The following PCDH15 variants were observed in gnomAD, a reference collection of about 807,000 sequenced individuals.
The protein encoded by PCDH15 is protocadherin related 15, also known as protocadherin-15.
In PCDH15, 129 loss-of-function variants were observed where a neutral mutation model predicts 178.5. That is an observed-to-expected ratio of 0.72 (90% confidence interval 0.63 to 0.84). The LOEUF (loss-of-function observed/expected upper bound fraction) is 0.84. PCDH15 is among the 40% of genes least tolerant of loss of function. The pLI is 0.00. For synonymous variants in PCDH15, 800 were observed against 732.0 expected (o/e 1.09, Z -1.50); for missense variants, 2,230 against 2,099.9 (o/e 1.06, Z -1.21).
chr10:55,569,291 A>G (rs1842361765), intron 2 of PCDH15, among the ~76,000 whole-genome samples: 1 of 152,062 alleles, frequency 6.6e-6, no homozygotes, highest in African/African-American at 2.4e-5. Context: ...AAAAGTATCA[A>G]ACAAGATGTG....
At chr10:55,182,979 T>G (rs1465503902) in intron 1 of PCDH15, among the ~76,000 whole-genome samples, 1 of 151,950 alleles carries the variant, frequency 6.6e-6, no homozygotes, top group Non-Finnish European at 1.5e-5. Context: ...GATAGAAACA[T>G]GTAGCACTAC....
At chr10:54,640,362 C>A (rs2093961137) in intron 2 of PCDH15, among the ~76,000 whole-genome samples, 1 of 151,430 alleles carries the variant, frequency 6.6e-6, no homozygotes, top group African/African-American at 2.4e-5. Flanking sequence ...AATTTAATAT[C>A]ATGGGTTCAA....
At chr10:55,036,833 A>G (rs930112253) in intron 2 of PCDH15, among the ~76,000 whole-genome samples, 2 of 152,208 alleles carry the variant, frequency 1.3e-5, no homozygotes, top group African/African-American at 4.8e-5. Flanking sequence ...ATATCCATCT[A>G]TTATTTTAGA....
intron 5 of PCDH15, among the ~76,000 whole-genome samples, chr10:54,365,021 G>C (rs1011818981): frequency 7.2e-5 from 11 of 151,970 alleles, no homozygotes; most frequent in Non-Finnish European, 1.6e-4. Flanking sequence ...ATCTTATCCA[G>C]TTCCTCTTCC....
At chr10:54,826,708 T>C (rs1023543422) in intron 3 of PCDH15, among the ~76,000 whole-genome samples, 2 of 151,950 alleles carry the variant, frequency 1.3e-5, no homozygotes, top group South Asian at 2.1e-4. Context: ...ATTTCAAGCA[T>C]GCCAAGACTC....
chr10:55,518,420 G>A (rs1220780196), intron 2 of PCDH15, among the ~76,000 whole-genome samples: 1 of 152,006 alleles, frequency 6.6e-6, no homozygotes, highest in Admixed American at 6.6e-5. Flanking sequence ...CCACTTTTAA[G>A]TTCCAGCTCC....
chr10:54,084,634 C>A (rs921739229), intron 16 of PCDH15, among the ~76,000 whole-genome samples: 1 of 151,998 alleles, frequency 6.6e-6, no homozygotes, highest in Non-Finnish European at 1.5e-5. Context: ...TAGAAAGTAG[C>A]AGAGGATATC....
intron 3 of PCDH15, among the ~76,000 whole-genome samples, chr10:54,878,523 G>A (rs540860328): frequency 1.3e-5 from 2 of 152,150 alleles, no homozygotes; most frequent in African/African-American, 2.4e-5. Context: ...AGATTCAAGA[G>A]ATCTTCGAGA....
intron 2 of PCDH15, among the ~76,000 whole-genome samples, chr10:55,041,416 G>A (rs1352876547): frequency 6.6e-6 from 1 of 151,982 alleles, no homozygotes; most frequent in Non-Finnish European, 1.5e-5. Context: ...AATCTGAAGG[G>A]TTCTTACTCC....
intron 2 of PCDH15, among the ~76,000 whole-genome samples, chr10:54,998,569 CTAAT>C (rs1839708928): frequency 6.6e-6 from 1 of 151,960 alleles, no homozygotes; most frequent in African/African-American, 2.4e-5. Context: ...AGACATTTGA[CTAAT>C]TAACATTGTT....
At chr10:55,109,039 A>G (rs752487190) in intron 2 of PCDH15, among the ~76,000 whole-genome samples, 12 of 152,192 alleles carry the variant, frequency 7.9e-5, no homozygotes, top group Non-Finnish European at 1.8e-4. Context: ...ACCAGTAAGC[A>G]AAGACTAATG....
At chr10:55,348,406 C>G (rs1215920513) in intron 2 of PCDH15, among the ~76,000 whole-genome samples, 1 of 151,592 alleles carries the variant, frequency 6.6e-6, no homozygotes, top group Non-Finnish European at 1.5e-5. Flanking sequence ...TTCATTCATT[C>G]CAACAATAAT....
chr10:55,106,906 C>T (rs570782399), intron 2 of PCDH15, among the ~76,000 whole-genome samples: 2 of 152,136 alleles, frequency 1.3e-5, no homozygotes, highest in South Asian at 2.1e-4. Context: ...TCCCATAATA[C>T]AATGATGGAG....
intron 1 of PCDH15, among the ~76,000 whole-genome samples, chr10:55,211,028 G>C (rs1840557562): frequency 6.6e-6 from 1 of 151,928 alleles, no homozygotes; most frequent in Non-Finnish European, 1.5e-5. Flanking sequence ...AGAACATATT[G>C]ATGTTTTTAA....
chr10:55,463,724 G>A (rs1404129634), intron 2 of PCDH15, among the ~76,000 whole-genome samples: 1 of 151,726 alleles, frequency 6.6e-6, no homozygotes, highest in Non-Finnish European at 1.5e-5. Context: ...TTTTTCAACT[G>A]CGTCAAACTC....
chr10:54,166,359 C>T (rs1490086101), intron 13 of PCDH15, among the ~76,000 whole-genome samples: 5 of 152,290 alleles, frequency 3.3e-5, no homozygotes, highest in African/African-American at 1.2e-4. Context: ...TAGGGCTGTG[C>T]CTTACTCGTT....
chr10:54,944,907 C>T (rs931471093), intron 2 of PCDH15, among the ~76,000 whole-genome samples: 1 of 151,640 alleles, frequency 6.6e-6, no homozygotes, highest in African/African-American at 2.4e-5. Flanking sequence ...CTTAAATGGA[C>T]AATTTTTTTT....
chr10:54,779,490 A>ATATATATACACACATATATGTGTG (rs1566222919), intron 1 of PCDH15, among the ~76,000 whole-genome samples: 3 of 118,588 alleles, frequency 2.5e-5, no homozygotes, highest in African/African-American at 9.6e-5. Context: ...ATATATATGT[A>ATATATATACACACATATATGTGTG]TATATATACA....
intron 2 of PCDH15, among the ~76,000 whole-genome samples, chr10:55,333,364 C>A (rs546456393): frequency 2.3e-3 from 345 of 151,548 alleles, no homozygotes; most frequent in African/African-American, 8.0e-3. Context: ...CAGTACAAAT[C>A]ATCTTTTTTT....
Sources: allele counts gnomAD v4.1 joint callset (sites outside exome capture counted in the v4.1 genomes callset), GRCh38; gene constraint gnomAD v4.1.1; transcripts MANE v1.5; gene names NCBI Gene and HGNC (gene_info 2026-07-23, HGNC 2026-07-21).